PDE4D: variants seen among roughly 807,000 people sequenced by gnomAD.
PDE4D encodes the protein 3',5'-cyclic-AMP phosphodiesterase 4D.
In PDE4D, 24 loss-of-function variants were observed where a neutral mutation model predicts 87.4. The ratio of observed to expected loss-of-function variants is 0.27; its 90% CI spans 0.20 to 0.39. The LOEUF is 0.39. Among genes scored for constraint, PDE4D ranks in the 10% least tolerant of loss-of-function variants. PDE4D has a pLI of 1.00. For synonymous variants in PDE4D, 384 were observed against 383.2 expected (o/e 1.00, Z -0.02); for missense variants, 714 against 1,041.0 (o/e 0.69, Z 4.32).
intron 1 of PDE4D, among the ~76,000 whole-genome samples, chr5:59,547,431 TATATGA>T (rs1272573092): frequency 3.1e-4 from 47 of 152,262 alleles, no homozygotes; most frequent in African/African-American, 1.1e-3. Context: ...ACACCTTGCC[TATATGA>T]ATGTCATAAT....
At chr5:60,508,927 T>C (rs1239751099) in intron 1 of PDE4D, among the ~76,000 whole-genome samples, 1 of 151,844 alleles carries the variant, frequency 6.6e-6, no homozygotes, top group African/African-American at 2.4e-5. Context: ...TGAGACACAG[T>C]CTTGCTCTGT....
intron 1 of PDE4D, among the ~76,000 whole-genome samples, chr5:60,426,415 C>A (rs2150102481): frequency 6.6e-6 from 1 of 152,214 alleles, no homozygotes; most frequent in East Asian, 1.9e-4. Flanking sequence ...TCATTCTCAG[C>A]AAACTATCAC....
intron 6 of PDE4D, among the ~76,000 whole-genome samples, chr5:59,018,881 GAGC>G (rs1561316877): frequency 6.6e-6 from 1 of 151,272 alleles, no homozygotes; most frequent in Non-Finnish European, 1.5e-5. Context: ...TTTCACAGAT[GAGC>G]CTTAAGGTCT....
Position 60,007,597 on chromosome 5 carries a change from G to C in PDE4D, c.43-18880C>G, listed in dbSNP as rs1396160730. ...ACCTACACTACTTTAACTTTACTAT[G>C]CTTAATATTTAATGTAAAATACATA... On this transcript the variant is annotated intron_variant, in intron 2 of 16. Transcript: ENST00000502484. Among the ~76,000 whole-genome samples the C allele has an allele frequency of 2.0e-5, 3 of 151,948 alleles. No homozygotes were observed. The East Asian group carries it at 5.8e-4, about 29-fold the overall frequency.
intron 1 of PDE4D, among the ~76,000 whole-genome samples, chr5:59,377,270 A>G (rs1369078428): frequency 6.6e-6 from 1 of 152,046 alleles, no homozygotes; most frequent in East Asian, 1.9e-4. Context: ...ACAAAAAATC[A>G]GCTGGGCGTG....
intron 1 of PDE4D, among the ~76,000 whole-genome samples, chr5:59,637,321 G>C (rs1221161716): frequency 1.3e-5 from 2 of 152,116 alleles, no homozygotes; most frequent in African/African-American, 2.4e-5. Context: ...TTCAACCATC[G>C]TGGAAGACAG....
chr5:59,080,470 T>C (rs540068955), intron 5 of PDE4D, among the ~76,000 whole-genome samples: 2 of 152,328 alleles, frequency 1.3e-5, no homozygotes, highest in East Asian at 3.9e-4. Context: ...GTGGGACTTG[T>C]CTCTGTTCTC....
intron 1 of PDE4D, among the ~76,000 whole-genome samples, chr5:59,756,094 T>G (rs1761175031): frequency 6.6e-6 from 1 of 151,868 alleles, no homozygotes; most frequent in South Asian, 2.1e-4. Flanking sequence ...TTTTAGTTCT[T>G]CTGAAGATCT....
At chr5:59,546,965 T>G (rs1188796022) in intron 1 of PDE4D, among the ~76,000 whole-genome samples, 2 of 152,162 alleles carry the variant, frequency 1.3e-5, no homozygotes, top group Non-Finnish European at 2.9e-5. Flanking sequence ...AATGCCCTTC[T>G]CATACAGTAC....
chr5:59,368,465 C>T (rs1206630622), intron 1 of PDE4D, among the ~76,000 whole-genome samples: 1 of 152,104 alleles, frequency 6.6e-6, no homozygotes, highest in South Asian at 2.1e-4. Context: ...ATATGATAGT[C>T]ACTGACAAAA....
intron 1 of PDE4D, among the ~76,000 whole-genome samples, chr5:60,458,838 C>A (rs1040345420): frequency 6.6e-6 from 1 of 152,050 alleles, no homozygotes; most frequent in African/African-American, 2.4e-5. Flanking sequence ...ATGTAACAAG[C>A]AAATATCAGA....
intron 1 of PDE4D, among the ~76,000 whole-genome samples, chr5:59,262,178 G>C (rs981944689): frequency 6.6e-6 from 1 of 151,874 alleles, no homozygotes; most frequent in African/African-American, 2.4e-5. Flanking sequence ...ATGAAGCCGA[G>C]TGCTGTATAT....
chr5:60,328,889 G>A lies in PDE4D; in HGVS notation c.-89-143202C>T, dbSNP rs189087954. 4.6e-4 allele frequency among the ~76,000 whole-genome samples: 70 copies of A among 152,260 alleles called. 1 individual carries two copies. In the East Asian group the frequency reaches 0.011, roughly 24 times the overall value. The stretch of plus-strand genomic sequence containing the variant: ...TAAAATCTCACATGTGAAAGTTGCT[G>A]TCTTTCTGCCAGGAGAAAAGAAACA... On this transcript the variant is annotated intron_variant, in intron 1 of 16. Transcript: ENST00000502484.
rs147289142 is a variant in PDE4D at position 59,116,651 on chromosome 5, C to A, written c.808+63944G>T. Among the ~76,000 whole-genome samples the A allele has an allele frequency of 9.1e-4, 138 of 152,252 alleles. 2 individuals carry two copies. The South Asian group carries it at 0.016, about 17-fold the overall frequency. On this transcript the variant is annotated intron_variant, in intron 5 of 14. Transcript: ENST00000340635. Reference sequence around the variant, plus strand: ...AAGATGCTCTGCACGTACTCCACGGCTGCAGGAATTCTGGTGAAAGGAGAT... The same window carrying A: ...AAGATGCTCTGCACGTACTCCACGGATGCAGGAATTCTGGTGAAAGGAGAT...
chr5:60,520,577 C>T (rs1350146685), intron 1 of PDE4D, among the ~76,000 whole-genome samples: 1 of 152,212 alleles, frequency 6.6e-6, no homozygotes. Context: ...GATCTCACAG[C>T]AATATGGGTA....
intron 5 of PDE4D, among the ~76,000 whole-genome samples, chr5:59,170,473 G>A (rs1005633878): frequency 2.0e-5 from 3 of 152,110 alleles, no homozygotes; most frequent in Non-Finnish European, 2.9e-5. Context: ...TTGTTAGGGC[G>A]GGTCTCACCA....
chr5:59,949,743 T>A (rs1385105127), intron 3 of PDE4D, among the ~76,000 whole-genome samples: 1 of 152,190 alleles, frequency 6.6e-6, no homozygotes, highest in Non-Finnish European at 1.5e-5. Flanking sequence ...TTACATGCAT[T>A]ATCTACTCTC....
intron 1 of PDE4D, among the ~76,000 whole-genome samples, chr5:59,365,242 T>G (rs1782866642): frequency 6.6e-6 from 1 of 152,130 alleles, no homozygotes; most frequent in South Asian, 2.1e-4. Context: ...ACAGATCTCT[T>G]GAGCCCAGGA....
At chr5:59,897,535 T>C (rs1751785346), upstream of PDE4D, among the ~76,000 whole-genome samples, 1 of 152,038 alleles carries the variant, frequency 6.6e-6, no homozygotes, top group African/African-American at 2.4e-5. Flanking sequence ...ATGTACCATG[T>C]TGGTTTGCTG....
Sources: gnomAD v4.1 joint callset for allele counts (sites outside exome capture counted in the v4.1 genomes callset) on GRCh38, gnomAD v4.1.1 for gene constraint, MANE v1.5 for transcripts, NCBI Gene and HGNC (gene_info 2026-07-23, HGNC 2026-07-21) for gene names.